The following ZC3H12C variants were observed in gnomAD, a reference collection of about 807,000 sequenced individuals.
ZC3H12C encodes zinc finger CCCH-type containing 12C.
A neutral mutation model predicts 76.3 loss-of-function variants in ZC3H12C; 20 were observed. The observed-to-expected ratio is 0.26, with a 90% CI of 0.18 to 0.38. ZC3H12C has a LOEUF of 0.38. Ranked by LOEUF, ZC3H12C falls within the 10% of genes least tolerant of loss-of-function variation. ZC3H12C has a pLI of 1.00. For missense variants in ZC3H12C, 874 were observed against 1,086.5 expected (o/e 0.80, Z 2.75); for synonymous variants, 352 against 399.6 (o/e 0.88, Z 1.42).
At chr11:110,105,120 TTC>T (rs1186454562) in intron 1 of ZC3H12C, among the ~76,000 whole-genome samples, 1 of 152,246 alleles carries the variant, frequency 6.6e-6, no homozygotes, top group East Asian at 1.9e-4. Context: ...TTTAATCTGT[TTC>T]AAATCTTGGC....
At chr11:110,134,242 G>A (rs1375879924) in intron 1 of ZC3H12C, among the ~76,000 whole-genome samples, 5 of 152,102 alleles carry the variant, frequency 3.3e-5, no homozygotes, top group African/African-American at 1.2e-4. Context: ...TTTGGCAGCT[G>A]CATTGTTCTC....
intron 1 of ZC3H12C, among the ~76,000 whole-genome samples, chr11:110,125,577 C>T (rs572172152): frequency 4.6e-5 from 7 of 152,284 alleles, no homozygotes; most frequent in Admixed American, 4.6e-4. Flanking sequence ...CTTGGCCTCC[C>T]GAAGTGCTGG....
In ZC3H12C at chr11:110,166,263, T is replaced by C. The variant is rs1209095260; in HGVS notation, c.*526T>C. Reference sequence around the variant, plus strand: ...TTCTTTGTGCTATAATCATTATTTATAGAAACAAAGTTATACTACAGCACT... The same window carrying C: ...TTCTTTGTGCTATAATCATTATTTACAGAAACAAAGTTATACTACAGCACT... On this transcript the variant is annotated 3_prime_UTR_variant, in exon 6 of 6. Coordinates refer to ENST00000278590, the MANE Select transcript of ZC3H12C (RefSeq NM_033390.2). 1 of 153,970 alleles carries C rather than the reference T, an allele frequency of 6.5e-6. No individual in the cohort carries two copies. Among genetic ancestry groups the C allele is most frequent in the Non-Finnish European group, 1.4e-5 (1 of 69,316 alleles). The allele number at this position is 153,970 out of a possible 1,614,324, so 9.5% of individuals were successfully genotyped here. A position where few individuals can be genotyped will look rare whatever the true frequency, so the allele number is the denominator to read the frequency against.
chr11:110,158,062 C>T (rs1862409622), intron 3 of ZC3H12C, among the ~76,000 whole-genome samples: 1 of 151,924 alleles, frequency 6.6e-6, no homozygotes, highest in Non-Finnish European at 1.5e-5. Flanking sequence ...CACTCTGTGC[C>T]AGAACTTACA....
chr11:110,130,376 T>A (rs1442499802), intron 1 of ZC3H12C, among the ~76,000 whole-genome samples: 1 of 152,210 alleles, frequency 6.6e-6, no homozygotes, highest in East Asian at 1.9e-4. Context: ...ATTTTCATCA[T>A]CTCTTCTTTT....
intron 1 of ZC3H12C, among the ~76,000 whole-genome samples, chr11:110,124,664 T>C (rs925452616): frequency 3.9e-5 from 6 of 152,190 alleles, no homozygotes; most frequent in African/African-American, 1.4e-4. Context: ...AGACAACACT[T>C]AAGGCAAAGA....
At position 110,152,590 on chromosome 11, in the gene ZC3H12C, G is replaced by T. The variant is rs193011005; in HGVS notation, c.774-329G>T. On this transcript the variant is annotated intron_variant, in intron 2 of 5. Transcript: ENST00000278590. ...TTTGACTGAAATTCTTCTTGCTGTG[G>T]TTGAAGGAAGCCCTTTCTGTTTTCT... Among the ~76,000 whole-genome samples the T allele has an allele frequency of 2.0e-5, 3 of 152,062 alleles. No homozygotes were observed. The East Asian group carries it at 5.8e-4, about 29-fold the overall frequency.
intron 1 of ZC3H12C, among the ~76,000 whole-genome samples, chr11:110,095,943 A>G (rs1455484525): frequency 6.6e-6 from 1 of 152,248 alleles, no homozygotes. Flanking sequence ...AATTAATTCA[A>G]TCAGGATTCC....
chr11:110,159,655 T>G (rs1591486237), intron 4 of ZC3H12C, among the ~76,000 whole-genome samples, 165 bp downstream of exon 4: 1 of 152,154 alleles, frequency 6.6e-6, no homozygotes, highest in East Asian at 1.9e-4. Flanking sequence ...AACTGCAGAA[T>G]CATTGCCAGA....
intron 1 of ZC3H12C, among the ~76,000 whole-genome samples, chr11:110,094,981 A>T (rs1279050246): frequency 6.6e-6 from 1 of 152,260 alleles, no homozygotes; most frequent in East Asian, 1.9e-4. Context: ...AAGTAAAATG[A>T]ACTTTTAAAT....
chr11:110,148,772 T>C (rs913699712), intron 2 of ZC3H12C, among the ~76,000 whole-genome samples: 4 of 152,264 alleles, frequency 2.6e-5, no homozygotes, highest in Non-Finnish European at 5.9e-5. Context: ...TAAGTGGCTA[T>C]AGAGCTATGG....
chr11:110,138,947 A>C (rs1862020278), intron 2 of ZC3H12C, among the ~76,000 whole-genome samples: 1 of 152,222 alleles, frequency 6.6e-6, no homozygotes, highest in South Asian at 2.1e-4. Context: ...TCAGGTGCTC[A>C]GTATCCTGAT....
rs1405129913 is a variant in ZC3H12C, at chr11:110,117,921, TATAC to T, written c.22-18740_22-18737del. On this transcript the variant is annotated intron_variant, in intron 1 of 5. Coordinates refer to ENST00000278590, the MANE Select transcript of ZC3H12C (RefSeq NM_033390.2). The stretch of plus-strand genomic sequence containing the variant: ...TACACACACACATATATATTATATA[TATAC>T]ACACACACATATATATATTATATAT... Among the ~76,000 whole-genome samples, 112 of 100,338 alleles carry T rather than the reference TATAC, an allele frequency of 1.1e-3. 2 individuals carry two copies. The highest frequency in any genetic ancestry group is 2.7e-3 in the African/African-American group (76 of 28,376). 65.8% of individuals were successfully genotyped at this position (100,338 alleles called of 152,430 possible).
intron 1 of ZC3H12C, among the ~76,000 whole-genome samples, chr11:110,112,922 A>T (rs1861459304): frequency 6.6e-6 from 1 of 152,018 alleles, no homozygotes; most frequent in East Asian, 1.9e-4. Context: ...TCATACACAG[A>T]TGTGCATGCA....
At chr11:110,139,502 G>A (rs1246409439) in intron 2 of ZC3H12C, among the ~76,000 whole-genome samples, 2 of 152,116 alleles carry the variant, frequency 1.3e-5, no homozygotes, top group Admixed American at 6.5e-5. Flanking sequence ...CCTTTCTAAT[G>A]GAGTAGAAAG....
At chr11:110,144,475 G>A (rs1436968014) in intron 2 of ZC3H12C, among the ~76,000 whole-genome samples, 1 of 152,084 alleles carries the variant, frequency 6.6e-6, no homozygotes, top group African/African-American at 2.4e-5. Context: ...TTAAACTCCT[G>A]TCAAATTCCA....
intron 1 of ZC3H12C, among the ~76,000 whole-genome samples, chr11:110,124,528 C>T (rs1861705277): frequency 6.6e-6 from 1 of 152,118 alleles, no homozygotes. Flanking sequence ...ATTCATGTTA[C>T]AGAAGTTTGA....
chr11:110,094,856 A>T (rs1455126204), intron 1 of ZC3H12C, among the ~76,000 whole-genome samples: 1 of 152,268 alleles, frequency 6.6e-6, no homozygotes, highest in Non-Finnish European at 1.5e-5. Flanking sequence ...ATGTACCCAT[A>T]GTTCAAAATG....
chr11:110,132,101 AC>A (rs1389085320), intron 1 of ZC3H12C, among the ~76,000 whole-genome samples: 1 of 152,240 alleles, frequency 6.6e-6, no homozygotes, highest in African/African-American at 2.4e-5. Context: ...TCATAGTATT[AC>A]CATTTGGATA....
Sources: allele counts gnomAD v4.1 joint callset (sites outside exome capture counted in the v4.1 genomes callset), GRCh38; gene constraint gnomAD v4.1.1; transcripts MANE v1.5; gene names NCBI Gene and HGNC (gene_info 2026-07-23, HGNC 2026-07-21).